Variants in AK7 observed in about 807,000 individuals in gnomAD.
AK7 encodes ATP-AMP transphosphorylase 7.
A neutral mutation model predicts 96.6 loss-of-function variants in AK7; 78 were observed. The ratio of observed to expected loss-of-function variants is 0.81; its 90% confidence interval spans 0.67 to 0.97. The LOEUF is 0.97. AK7 is among the 50% of genes least tolerant of loss of function. The pLI, the probability that AK7 is intolerant of heterozygous loss-of-function variation, is 0.00. For missense variants in AK7, 855 were observed against 887.9 expected (o/e 0.96, Z 0.47); for synonymous variants, 302 against 317.2 (o/e 0.95, Z 0.51).
chr14:96,410,318 A>G (rs1323233693), intron 4 of AK7, among the ~76,000 whole-genome samples: 3 of 152,162 alleles, frequency 2.0e-5, no homozygotes, highest in African/African-American at 4.8e-5. Context: ...AGTGTCCACT[A>G]TAAAACAATT....
At chr14:96,411,521 AT>A (rs1891028301) in intron 4 of AK7, among the ~76,000 whole-genome samples, 1 of 152,154 alleles carries the variant, frequency 6.6e-6, no homozygotes, top group Non-Finnish European at 1.5e-5. Flanking sequence ...AAAAAAAAAA[AT>A]AAATAAATAA....
chr14:96,450,054 T>A (rs1456922622), intron 9 of AK7, among the ~76,000 whole-genome samples, 175 bp downstream of exon 9: 3 of 152,118 alleles, frequency 2.0e-5, no homozygotes, highest in African/African-American at 7.2e-5. Context: ...CACCAGATAT[T>A]CTACCCTAAG....
chr14:96,429,215 G>A (rs1265790790), intron 5 of AK7, among the ~76,000 whole-genome samples: 1 of 152,150 alleles, frequency 6.6e-6, no homozygotes, highest in Non-Finnish European at 1.5e-5. Context: ...TTATTAAATA[G>A]GGAATCCTTT....
At chr14:96,466,658 C>G (rs1343243370) in intron 12 of AK7, among the ~76,000 whole-genome samples, 1 of 152,172 alleles carries the variant, frequency 6.6e-6, no homozygotes, top group Non-Finnish European at 1.5e-5. Flanking sequence ...CAGGTGTGAG[C>G]ACCTGGCCCG....
intron 7 of AK7, among the ~76,000 whole-genome samples, chr14:96,444,929 G>T (rs1397540086): frequency 6.6e-6 from 1 of 152,118 alleles, no homozygotes; most frequent in Non-Finnish European, 1.5e-5. Flanking sequence ...TGTTGGTCAG[G>T]CTGGTCTCGA....
chr14:96,447,375 T>C (rs946559751), intron 8 of AK7, among the ~76,000 whole-genome samples: 1 of 152,346 alleles, frequency 6.6e-6, no homozygotes, highest in East Asian at 1.9e-4. Context: ...AGTGCCGTGG[T>C]GTGATCATAG....
At chr14:96,446,753 C>A in intron 8 of AK7, 146 bp downstream of exon 8, 2 of 606,296 alleles carry the variant, frequency 3.3e-6, no homozygotes, top group Non-Finnish European at 5.8e-6. Context: ...CCAGCCTGAC[C>A]AACATGATGA....
chr14:96,395,764 ATCTC>A (rs1890038387), intron 1 of AK7, among the ~76,000 whole-genome samples: 1 of 93,796 alleles, frequency 1.1e-5, no homozygotes, highest in Admixed American at 1.1e-4. Context: ...AAGGGAGTTT[ATCTC>A]CTTCCTTAAA....
At chr14:96,427,567 G>T (rs1566777619) in intron 5 of AK7, among the ~76,000 whole-genome samples, 2 of 152,200 alleles carry the variant, frequency 1.3e-5, no homozygotes, top group Non-Finnish European at 2.9e-5. Flanking sequence ...TGAGATTTGG[G>T]TGGGAACACA....
rs542957480 is a variant in AK7 at position 96,450,154 on chromosome 14, C to T, written c.948+275C>T. ...TATTTGGGCCGGGCGCGGTGATTCA[C>T]GCCTATAATCCCAGCACTTTGGGAG... On this transcript the variant is annotated intron_variant, in intron 9 of 17. Transcript: ENST00000267584. 8.5e-5 allele frequency among the ~76,000 whole-genome samples: 13 copies of T among 152,170 alleles called. No individual in the cohort carries two copies. In the East Asian group the frequency reaches 1.7e-3, roughly 20 times the overall value.
Position 96,404,658 on chromosome 14 carries a change from C to T in AK7, c.295-99C>T. ...TGCAAGTGTTTCCTGTGGGACTCCT[C>T]AGTGTAGCATATGTATTTTGAAAAT... On this transcript the variant is annotated intron_variant, in intron 2 of 17. Transcript: ENST00000267584. The T allele has an allele frequency of 4.5e-6, 3 of 663,414 alleles. No individual in the cohort carries two copies. The Admixed American group carries it at 7.1e-5, about 16-fold the overall frequency. 41.1% of individuals were successfully genotyped at this position (663,414 alleles called of 1,614,324 possible).
chr14:96,456,302 A>G, intron 10 of AK7, 45 bp from the exon 11 acceptor site: 1 of 1,578,238 alleles, frequency 6.3e-7, no homozygotes, highest in Non-Finnish European at 8.6e-7. Flanking sequence ...CTAGCTACAG[A>G]TCATTCAGAG....
rs11361139 is a variant in AK7, at chr14:96,488,824, C to CTTTTTTTTTTTTTTTTTTTT, written c.*500_*501insTTTTTTTTTTTTTTTTTTTT. ...GACAAGATTGGTGCCTGTAAGGTGG[C>CTTTTTTTTTTTTTTTTTTTT]TTTTTTTTTTTTTTTTTTTAAATGA... On this transcript the variant is annotated 3_prime_UTR_variant, in exon 18 of 18. Transcript: ENST00000267584. 2 of 127,788 alleles carry CTTTTTTTTTTTTTTTTTTTT rather than the reference C, an allele frequency of 1.6e-5. No homozygotes were observed. The allele number at this position is 127,788 out of a possible 1,614,324, so 7.9% of individuals were successfully genotyped here.
chr14:96,460,646 C>A (rs889874481), intron 12 of AK7, among the ~76,000 whole-genome samples: 1 of 152,160 alleles, frequency 6.6e-6, no homozygotes, highest in Non-Finnish European at 1.5e-5. Flanking sequence ...GTCCTCTTCC[C>A]AGCTACTCAC....
At chr14:96,452,749 C>T (rs1449847705) in intron 10 of AK7, among the ~76,000 whole-genome samples, 1 of 151,802 alleles carries the variant, frequency 6.6e-6, no homozygotes, top group Non-Finnish European at 1.5e-5. Context: ...ACCTCTGCCT[C>T]CCAGGTTCAA....
intron 2 of AK7, chr14:96,398,572 G>C (rs1890224111): frequency 5.7e-6 from 2 of 348,584 alleles, no homozygotes; most frequent in Non-Finnish European, 1.1e-5. Flanking sequence ...TCTGTGCCAT[G>C]ATGGGTGCCA....
rs539811793 is a variant in AK7 at position 96,409,222 on chromosome 14, T to C, written c.498+281T>C. ...TATTTTAAACATATTGAAAGAGCTC[T>C]CTTTTAGACTTACTTAGACCCATAT... On this transcript the variant is annotated intron_variant, in intron 4 of 17. Transcript: ENST00000267584. 1.4e-3 allele frequency among the ~76,000 whole-genome samples: 217 copies of C among 152,358 alleles called. 1 individual carries two copies. The highest frequency in any genetic ancestry group is 5.1e-3 in the African/African-American group (211 of 41,582).
intron 5 of AK7, among the ~76,000 whole-genome samples, chr14:96,432,681 T>A (rs1410490238): frequency 6.6e-6 from 1 of 152,004 alleles, no homozygotes; most frequent in Non-Finnish European, 1.5e-5. Context: ...GGGTTGAAAA[T>A]TCTTTTCTTT....
chr14:96,419,668 T>G (rs2140036401), intron 4 of AK7, among the ~76,000 whole-genome samples: 1 of 152,130 alleles, frequency 6.6e-6, no homozygotes, highest in South Asian at 2.1e-4. Flanking sequence ...ATTAATACCT[T>G]TATGGAATCT....
Sources: allele counts gnomAD v4.1 joint callset (sites outside exome capture counted in the v4.1 genomes callset), GRCh38; gene constraint gnomAD v4.1.1; transcripts MANE v1.5; gene names NCBI Gene and HGNC (gene_info 2026-07-23, HGNC 2026-07-21).